Variants in PIWIL1 observed in about 807,000 individuals in gnomAD.
PIWIL1 encodes piwi like RNA-mediated gene silencing 1, also known as piwi-like protein 1.
A neutral mutation model predicts 114.4 loss-of-function variants in PIWIL1; 73 were observed. That is an observed-to-expected ratio of 0.64 (90% confidence interval 0.53 to 0.78). The LOEUF (loss-of-function observed/expected upper bound fraction) is 0.78. Ranked by LOEUF, PIWIL1 falls within the 30% of genes least tolerant of loss-of-function variation. The probability of loss-of-function intolerance (pLI) is 0.00; values close to 1 mark genes in which losing one functional copy is unlikely to be tolerated. For missense variants in PIWIL1, 723 were observed against 1,063.1 expected (o/e 0.68, Z 4.45); for synonymous variants, 375 against 369.0 (o/e 1.02, Z -0.19).
rs1315699312 is a variant in PIWIL1, at chr12:130,372,400, T to C, written c.*802T>C. ...TTTTCATTTAATTTTTAAAAGTGCA[T>C]ACAATTCCATTCATAAAAGCTAAAT... On this transcript the variant is annotated 3_prime_UTR_variant, in exon 21 of 21. Coordinates refer to ENST00000245255, the MANE Select transcript of PIWIL1 (RefSeq NM_004764.5). The C allele has an allele frequency of 6.6e-6, 1 of 152,028 alleles. No homozygotes were observed. The highest frequency in any genetic ancestry group is 1.5e-5 in the Non-Finnish European group (1 of 67,984). 9.4% of individuals were successfully genotyped at this position (152,028 alleles called of 1,614,324 possible).
At chr12:130,343,171 AC>A in intron 3 of PIWIL1, 70 bp downstream of exon 3, 1 of 1,049,986 alleles carries the variant, frequency 9.5e-7, no homozygotes, top group Non-Finnish European at 1.4e-6. Context: ...TTGAATTAAA[AC>A]TTGGTACAAA....
chr12:130,410,260 C>G, the PIWIL1 span, among the ~76,000 whole-genome samples: 1 of 152,162 alleles, frequency 6.6e-6, no homozygotes, highest in African/African-American at 2.4e-5. Flanking sequence ...TTTGAAAGGT[C>G]TTTGTGTATT....
At chr12:130,377,968 T>G in the PIWIL1 span, among the ~76,000 whole-genome samples, 1 of 152,326 alleles carries the variant, frequency 6.6e-6, no homozygotes, top group South Asian at 2.1e-4. Context: ...TTAATGCTAT[T>G]CTCCCTGACC....
chr12:130,352,188 T>G (rs2073230645), intron 9 of PIWIL1, among the ~76,000 whole-genome samples: 1 of 152,208 alleles, frequency 6.6e-6, no homozygotes, highest in African/African-American at 2.4e-5. Flanking sequence ...AAAGCCTTCT[T>G]AGATTTTCTG....
At chr12:130,341,948 T>C (rs965438407) in intron 1 of PIWIL1, among the ~76,000 whole-genome samples, 13 of 152,166 alleles carry the variant, frequency 8.5e-5, no homozygotes, top group African/African-American at 3.1e-4. Flanking sequence ...AATCAATGAC[T>C]CCATTCTTTT....
the PIWIL1 span, among the ~76,000 whole-genome samples, chr12:130,423,463 A>G: frequency 2.6e-5 from 4 of 152,242 alleles, no homozygotes; most frequent in African/African-American, 9.6e-5. Flanking sequence ...TCAGCATGAC[A>G]GGAGCAAATG....
In PIWIL1 at chr12:130,363,251, G is replaced by A. The variant is rs11833107; in HGVS notation, c.2195+107G>A. The A allele has an allele frequency of 0.021, 23,571 of 1,115,268 alleles. 3,261 individuals are homozygous for A. The African/African-American group carries it at 0.31, about 15-fold the overall frequency. 69.1% of individuals were successfully genotyped at this position (1,115,268 alleles called of 1,614,324 possible). ...GATGAGGGAGAACCTAACTTGATAG[G>A]GACTGTAGGGCCTTTGAGGTGATGG... On this transcript the variant is annotated intron_variant, in intron 18 of 20. Coordinates refer to ENST00000245255, the MANE Select transcript of PIWIL1 (RefSeq NM_004764.5).
chr12:130,342,184 G>GTGTGTC (rs2072938287), intron 1 of PIWIL1: 1 of 193,914 alleles, frequency 5.2e-6, no homozygotes, highest in Non-Finnish European at 1.1e-5. Context: ...GTGTGTGTGT[G>GTGTGTC]TGTGTGTCTG....
In PIWIL1 at chr12:130,360,979, G is replaced by A. The variant is rs909255728; in HGVS notation, c.1666-201G>A. On this transcript the variant is annotated intron_variant, in intron 14 of 20. Transcript: ENST00000245255. ...GCTTAACATGATTTATTTCCTTCAC[G>A]TGCAATTATCATTTAGTTGAACATG... is the stretch of plus-strand genomic sequence containing the variant. 1.1e-4 allele frequency among the ~76,000 whole-genome samples: 16 copies of A among 152,080 alleles called. 1 individual carries two copies. Among genetic ancestry groups the A allele is most frequent in the African/African-American group, 2.7e-4 (11 of 41,408 alleles).
At chr12:130,382,503 G>C in the PIWIL1 span, among the ~76,000 whole-genome samples, 1 of 152,246 alleles carries the variant, frequency 6.6e-6, no homozygotes, top group Non-Finnish European at 1.5e-5. Flanking sequence ...GGCAGTTTCT[G>C]ATGTGAGTGC....
rs111286867 is a variant in PIWIL1, at chr12:130,347,089, T to G, written c.653+27T>G. ...TATGTGTTTTATTTCAACATTTTAT[T>G]AAGAAAACAGCAAAGTTGAAATAAT... On this transcript the variant is annotated intron_variant, in intron 6 of 20. Coordinates refer to ENST00000245255, the MANE Select transcript of PIWIL1 (RefSeq NM_004764.5). 1.5e-5 allele frequency: 22 copies of G among 1,511,250 alleles called. No individual in the cohort carries two copies. In the African/African-American group the frequency reaches 2.1e-4, roughly 14 times the overall value. The allele number at this position is 1,511,250 out of a possible 1,614,324, so 93.6% of individuals were successfully genotyped here.
At chr12:130,397,746 G>A in the PIWIL1 span, 2 of 375,894 alleles carry the variant, frequency 5.3e-6, no homozygotes, top group East Asian at 7.6e-5. Flanking sequence ...ACATAAATGT[G>A]TGGGTTCCGT....
At chr12:130,425,853 T>G in the PIWIL1 span, 1 of 152,332 alleles carries the variant, frequency 6.6e-6, no homozygotes. Context: ...CTGTCCCCCC[T>G]CTTGCTGTGG....
At chr12:130,396,602 A>T in the PIWIL1 span, 1 of 152,684 alleles carries the variant, frequency 6.5e-6, no homozygotes, top group South Asian at 2.1e-4. Context: ...CAACGAAAGT[A>T]ACAGAAAACC....
the PIWIL1 span, among the ~76,000 whole-genome samples, chr12:130,413,291 T>C: frequency 3.6e-3 from 543 of 152,180 alleles, 2 homozygotes; most frequent in Non-Finnish European, 5.4e-3. Flanking sequence ...CCTCTCCTAC[T>C]GAACAGCACA....
At chr12:130,402,156 G>A in the PIWIL1 span, among the ~76,000 whole-genome samples, 9 of 152,192 alleles carry the variant, frequency 5.9e-5, no homozygotes, top group African/African-American at 9.7e-5. Context: ...GTGCTACTGC[G>A]TCCAAAGTGA....
At chr12:130,412,737 G>A in the PIWIL1 span, 3 of 1,613,748 alleles carry the variant, frequency 1.9e-6, no homozygotes, top group Non-Finnish European at 2.5e-6. Context: ...GGCCAAGCCG[G>A]GCACAGGTTT....
downstream of PIWIL1, among the ~76,000 whole-genome samples, chr12:130,377,299 G>T (rs2073874263): frequency 6.6e-6 from 1 of 152,196 alleles, no homozygotes. Context: ...CAGAAAAACA[G>T]CCCCTAGTAT....
intron 14 of PIWIL1, among the ~76,000 whole-genome samples, chr12:130,358,686 C>A (rs1409020574): frequency 6.6e-6 from 1 of 152,130 alleles, no homozygotes; most frequent in East Asian, 1.9e-4. Flanking sequence ...AAAATTACCC[C>A]CCTTTTCTCA....
Sources: allele counts gnomAD v4.1 joint callset (sites outside exome capture counted in the v4.1 genomes callset), GRCh38; gene constraint gnomAD v4.1.1; transcripts MANE v1.5; gene names NCBI Gene and HGNC (gene_info 2026-07-23, HGNC 2026-07-21).